The following PCOLCE2 variants were observed in gnomAD, a reference collection of about 807,000 sequenced individuals.
PCOLCE2 encodes the protein procollagen C-proteinase enhancer 2.
In PCOLCE2, 42 loss-of-function variants were observed where a neutral mutation model predicts 47.0. The ratio of observed to expected loss-of-function variants is 0.89; its 90% CI spans 0.70 to 1.16. PCOLCE2 has a LOEUF of 1.16. PCOLCE2 is among the 50% of genes most tolerant of loss of function. PCOLCE2 has a pLI of 0.00. For missense variants in PCOLCE2, 500 were observed against 526.1 expected, an observed-to-expected ratio of 0.95 and a Z score of 0.49; for synonymous variants, 169 against 191.7, an observed-to-expected ratio of 0.88 and a Z score of 0.98.
At chr3:142,872,486 T>G (rs1405343635) in intron 2 of PCOLCE2, among the ~76,000 whole-genome samples, 4 of 152,138 alleles carry the variant, frequency 2.6e-5, no homozygotes, top group Non-Finnish European at 5.9e-5. Flanking sequence ...ATCCCAGGCA[T>G]GTAAAGCTTC....
chr3:142,853,539 T>C (rs1453043286), intron 2 of PCOLCE2, among the ~76,000 whole-genome samples: 1 of 152,162 alleles, frequency 6.6e-6, no homozygotes, highest in Non-Finnish European at 1.5e-5. Context: ...AAATGAATAA[T>C]CCATTAGGTA....
chr3:142,867,150 T>A (rs367981335), intron 2 of PCOLCE2, among the ~76,000 whole-genome samples: 7 of 152,188 alleles, frequency 4.6e-5, no homozygotes, highest in African/African-American at 1.7e-4. Context: ...CCTCCCAGTA[T>A]AACTGACTGT....
intron 2 of PCOLCE2, among the ~76,000 whole-genome samples, chr3:142,859,251 C>T (rs969704039): frequency 6.6e-6 from 1 of 151,804 alleles, no homozygotes; most frequent in Non-Finnish European, 1.5e-5. Flanking sequence ...TTAGTGGAGA[C>T]GGGGTTTCAC....
At chr3:142,834,498 G>A (rs1456269725) in intron 5 of PCOLCE2, among the ~76,000 whole-genome samples, 1 of 151,808 alleles carries the variant, frequency 6.6e-6, no homozygotes. Context: ...GATTTTTATT[G>A]CTTTTAAAAT....
intron 2 of PCOLCE2, among the ~76,000 whole-genome samples, chr3:142,879,866 G>A (rs895824165): frequency 1.3e-5 from 2 of 151,596 alleles, no homozygotes; most frequent in African/African-American, 2.4e-5. Flanking sequence ...AGCTACTGGG[G>A]AGGCTGAGGC....
intron 2 of PCOLCE2, among the ~76,000 whole-genome samples, chr3:142,886,703 T>C (rs973564098): frequency 1.3e-5 from 2 of 152,204 alleles, no homozygotes; most frequent in Admixed American, 1.3e-4. Context: ...ATCAAGTCAA[T>C]TTCTATAATT....
intron 6 of PCOLCE2, among the ~76,000 whole-genome samples, chr3:142,825,202 C>T (rs994249683): frequency 2.6e-5 from 4 of 152,054 alleles, no homozygotes; most frequent in Non-Finnish European, 4.4e-5. Flanking sequence ...TGATGGTGAG[C>T]GCCCTTTCCC....
chr3:142,849,262 A>G (rs72994534), intron 2 of PCOLCE2, among the ~76,000 whole-genome samples: 1 of 152,218 alleles, frequency 6.6e-6, no homozygotes, highest in African/African-American at 2.4e-5. Flanking sequence ...GCAATTGTGT[A>G]GTTAATTTAC....
intron 6 of PCOLCE2, among the ~76,000 whole-genome samples, chr3:142,826,716 T>C (rs1272223810): frequency 6.6e-6 from 1 of 152,190 alleles, no homozygotes; most frequent in South Asian, 2.1e-4. Flanking sequence ...GCCACTTACA[T>C]AGATTGTGCT....
At chr3:142,877,653 T>C (rs1339249720) in intron 2 of PCOLCE2, among the ~76,000 whole-genome samples, 1 of 152,184 alleles carries the variant, frequency 6.6e-6, no homozygotes, top group African/African-American at 2.4e-5. Flanking sequence ...CTTAATCACA[T>C]ACCTAGTAAA....
chr3:142,885,258 G>A (rs1175184966), intron 2 of PCOLCE2, among the ~76,000 whole-genome samples: 1 of 152,196 alleles, frequency 6.6e-6, no homozygotes, highest in Non-Finnish European at 1.5e-5. Flanking sequence ...TCTCCAGTTT[G>A]GACGAACAGA....
intron 2 of PCOLCE2, among the ~76,000 whole-genome samples, chr3:142,863,279 A>G (rs1933217303): frequency 6.6e-6 from 1 of 152,184 alleles, no homozygotes; most frequent in South Asian, 2.1e-4. Flanking sequence ...TACCATCCAC[A>G]ATACAAAGGC....
intron 7 of PCOLCE2, 65 bp downstream of exon 7, chr3:142,823,467 T>C (rs1470506116): frequency 3.2e-6 from 3 of 935,528 alleles, no homozygotes; most frequent in African/African-American, 3.3e-5. Flanking sequence ...AGGAATTCCT[T>C]TGAGATTAAG....
intron 2 of PCOLCE2, among the ~76,000 whole-genome samples, chr3:142,859,790 C>A (rs1372071401): frequency 6.6e-6 from 1 of 152,180 alleles, no homozygotes; most frequent in African/African-American, 2.4e-5. Context: ...TGCTCTGATC[C>A]ACCTGTCTTG....
intron 2 of PCOLCE2, among the ~76,000 whole-genome samples, chr3:142,870,844 G>A (rs1196129993): frequency 6.6e-6 from 1 of 151,742 alleles, no homozygotes; most frequent in Non-Finnish European, 1.5e-5. Context: ...ATGCTTTAAA[G>A]ACATGGACTC....
chr3:142,840,157 G>A (rs977124207), intron 4 of PCOLCE2, among the ~76,000 whole-genome samples: 100 of 152,192 alleles, frequency 6.6e-4, no homozygotes, highest in Non-Finnish European at 1.4e-3. Context: ...TACCGTGCAC[G>A]GCCTAATCAG....
At chr3:142,868,693 G>C (rs1933328682) in intron 2 of PCOLCE2, among the ~76,000 whole-genome samples, 1 of 152,096 alleles carries the variant, frequency 6.6e-6, no homozygotes, top group Non-Finnish European at 1.5e-5. Context: ...ATCAGAATTA[G>C]TTTAGCCTGT....
intron 2 of PCOLCE2, among the ~76,000 whole-genome samples, chr3:142,879,979 A>G (rs1008308472): frequency 1.3e-5 from 2 of 151,522 alleles, no homozygotes; most frequent in African/African-American, 4.8e-5. Flanking sequence ...TCAAAAAAAA[A>G]AAAAAAAAAA....
rs548117669 is a variant in PCOLCE2, at chr3:142,821,720, T to C, written c.950-675A>G. 2.6e-5 allele frequency among the ~76,000 whole-genome samples: 4 copies of C among 152,112 alleles called. No homozygotes were observed. The East Asian group carries it at 5.8e-4, about 22-fold the overall frequency. ...TTTTTTTTTCTTAAAAAAAAACCTC[T>C]AGTAAAATTCAGTTGATTTTTTCAT... On this transcript the variant is annotated intron_variant, in intron 7 of 8. Transcript: ENST00000295992.
Sources: gnomAD v4.1 joint callset for allele counts (sites outside exome capture counted in the v4.1 genomes callset) on GRCh38, gnomAD v4.1.1 for gene constraint, MANE v1.5 for transcripts, NCBI Gene and HGNC (gene_info 2026-07-23, HGNC 2026-07-21) for gene names.